Variants in PPP2R2A observed in about 807,000 individuals in gnomAD.
PPP2R2A encodes the protein protein phosphatase 2 regulatory subunit Balpha.
A neutral mutation model predicts 53.2 loss-of-function variants in PPP2R2A; 9 were observed. The observed-to-expected ratio is 0.17, with a 90% CI of 0.10 to 0.30. PPP2R2A has a LOEUF of 0.30. Among genes scored for constraint, PPP2R2A ranks in the 10% least tolerant of loss-of-function variants. The pLI, the probability that PPP2R2A is intolerant of heterozygous loss-of-function variation, is 1.00. For synonymous variants in PPP2R2A, 169 were observed against 174.2 expected (o/e 0.97, Z 0.23); for missense variants, 235 against 534.6 (o/e 0.44, Z 5.53).
intron 2 of PPP2R2A, among the ~76,000 whole-genome samples, chr8:26,334,059 C>A (rs763648057): frequency 7.2e-5 from 11 of 151,868 alleles, no homozygotes; most frequent in Non-Finnish European, 1.3e-4. Flanking sequence ...ACCTTTATAT[C>A]GCACAATTTG....
intron 9 of PPP2R2A, among the ~76,000 whole-genome samples, chr8:26,366,874 AGTT>A (rs1181483839): frequency 1.3e-5 from 2 of 152,140 alleles, no homozygotes; most frequent in Non-Finnish European, 2.9e-5. Flanking sequence ...TTTTAGTAGT[AGTT>A]ATCCTTTGCT....
Position 26,370,596 on chromosome 8 carries a change from T to G in PPP2R2A, c.*183T>G, listed in dbSNP as rs190470052. The G allele has an allele frequency of 5.0e-4, 352 of 701,112 alleles. No homozygotes were observed. The highest frequency in any genetic ancestry group is 6.8e-4 in the African/African-American group (38 of 55,696). The allele number at this position is 701,112 out of a possible 1,614,324, so 43.4% of individuals were successfully genotyped here. On this transcript the variant is annotated 3_prime_UTR_variant, in exon 10 of 10. Coordinates refer to ENST00000380737, the MANE Select transcript of PPP2R2A (RefSeq NM_002717.4). The surrounding 1 kb of genome is among the most constrained non-coding windows in gnomAD (Gnocchi z 6.1). ...GCTCTGTGGATTCATCACTGTGGTG[T>G]TCTCCATGTCTGCTAGCCATTTAGG... is the stretch of plus-strand genomic sequence containing the variant.
intron 8 of PPP2R2A, 104 bp downstream of exon 8, chr8:26,363,994 C>T: frequency 1.9e-6 from 2 of 1,055,916 alleles, no homozygotes; most frequent in East Asian, 2.5e-5. Flanking sequence ...GGTGTTTGTT[C>T]ACCATTAGGC....
At chr8:26,324,254 T>TC (rs1802979923) in intron 2 of PPP2R2A, among the ~76,000 whole-genome samples, 1 of 152,188 alleles carries the variant, frequency 6.6e-6, no homozygotes, top group South Asian at 2.1e-4. Context: ...TATTCCCCAC[T>TC]CCATGACTTT....
At chr8:26,329,304 A>G (rs760280451) in intron 2 of PPP2R2A, among the ~76,000 whole-genome samples, 28 of 152,064 alleles carry the variant, frequency 1.8e-4, no homozygotes, top group South Asian at 1.7e-3. Context: ...TTTTCTGTGT[A>G]TTTGTCATTT....
chr8:26,298,292 C>G (rs1398409760), intron 2 of PPP2R2A, among the ~76,000 whole-genome samples: 1 of 152,198 alleles, frequency 6.6e-6, no homozygotes, highest in Non-Finnish European at 1.5e-5. Context: ...CCCTACCTCC[C>G]CACTCCTTAA....
At chr8:26,293,619 C>G (rs748698550) in intron 1 of PPP2R2A, 47 bp from the exon 2 acceptor site, 24 of 1,550,086 alleles carry the variant, frequency 1.5e-5, no homozygotes, top group Admixed American at 3.5e-5. Context: ...TTACGAGAGT[C>G]AACATAAGCA....
At chr8:26,333,629 T>A in intron 2 of PPP2R2A, 1 of 793,852 alleles carries the variant, frequency 1.3e-6, no homozygotes, top group Non-Finnish European at 1.6e-6. Flanking sequence ...AGTAATTATT[T>A]GTTACACCCA....
chr8:26,357,092 G>A (rs992588604), intron 4 of PPP2R2A, among the ~76,000 whole-genome samples: 1 of 152,168 alleles, frequency 6.6e-6, no homozygotes, highest in African/African-American at 2.4e-5. Flanking sequence ...CAGATTATGA[G>A]AATCATATGA....
At chr8:26,367,267 A>G (rs1423002880) in intron 9 of PPP2R2A, among the ~76,000 whole-genome samples, 4 of 152,146 alleles carry the variant, frequency 2.6e-5, no homozygotes, top group Admixed American at 2.6e-4. Context: ...TTTGAGTGCT[A>G]CTACTAAACC....
intron 3 of PPP2R2A, among the ~76,000 whole-genome samples, chr8:26,343,572 A>G (rs1804060510): frequency 1.3e-5 from 2 of 152,060 alleles, no homozygotes; most frequent in African/African-American, 4.8e-5. Context: ...GGTTTTCACC[A>G]TATTGGCCAG....
At chr8:26,316,118 C>G (rs912911719) in intron 2 of PPP2R2A, among the ~76,000 whole-genome samples, 5 of 152,130 alleles carry the variant, frequency 3.3e-5, no homozygotes, top group Admixed American at 6.5e-5. Context: ...AGTTCTCCTG[C>G]CTCAGCCTCC....
At chr8:26,292,485 A>G (rs1801345024) in intron 1 of PPP2R2A, 2 of 968,588 alleles carry the variant, frequency 2.1e-6, no homozygotes, top group South Asian at 4.8e-5. Flanking sequence ...TGCGTTTAGC[A>G]TGTTAGCTTT....
intron 3 of PPP2R2A, among the ~76,000 whole-genome samples, chr8:26,342,164 C>T (rs558477560): frequency 1.3e-5 from 2 of 152,092 alleles, no homozygotes; most frequent in South Asian, 2.1e-4. Context: ...AATCAGGGCA[C>T]CTAAAGAAAT....
Position 26,347,409 on chromosome 8 carries a change from C to T in PPP2R2A, c.181-7059C>T, listed in dbSNP as rs149631993. On this transcript the variant is annotated intron_variant, in intron 3 of 9. Transcript: ENST00000380737. ...GTTTGTGTGTGTCCACGCGCATGTGCATGGAGGGTTTTTTTTTTTTTTCCA... is the reference window on the plus strand; with the variant it reads ...GTTTGTGTGTGTCCACGCGCATGTGTATGGAGGGTTTTTTTTTTTTTTCCA... Among the ~76,000 whole-genome samples, 1,066 of 140,198 alleles carry T rather than the reference C, an allele frequency of 7.6e-3. 7 individuals carry two copies. The highest frequency in any genetic ancestry group is 0.013 in the Admixed American group (179 of 14,270). 92.0% of individuals were successfully genotyped at this position (140,198 alleles called of 152,430 possible).
chr8:26,355,762 G>A (rs949450866), intron 4 of PPP2R2A, among the ~76,000 whole-genome samples: 1 of 151,870 alleles, frequency 6.6e-6, no homozygotes, highest in Non-Finnish European at 1.5e-5. Context: ...CTACTGGGGC[G>A]GGGGTGCTGA....
chr8:26,291,898 G>T, intron 1 of PPP2R2A, 72 bp downstream of exon 1: 1 of 1,465,920 alleles, frequency 6.8e-7, no homozygotes, highest in Non-Finnish European at 9.2e-7. Flanking sequence ...ACCCCCTAGC[G>T]ACCGCCCGCG....
At position 26,370,361 on chromosome 8, in the gene PPP2R2A, T is replaced by C. The variant is rs1382079605; in HGVS notation, c.1292T>C (p.Ile431Thr). 4 of 1,614,196 alleles carry C rather than the reference T, an allele frequency of 2.5e-6. No individual in the cohort carries two copies. The highest frequency in any genetic ancestry group is 3.4e-6 in the Non-Finnish European group (4 of 1,180,030). Residue 431 changes from isoleucine to threonine, a missense_variant, in exon 10 of 10, where the codon ATT becomes ACT. Ile to Thr is a moderately conservative substitution (Grantham distance 89, BLOSUM62 -1). Transcript: ENST00000380737. The surrounding 1 kb of genome is among the most constrained non-coding windows in gnomAD (Gnocchi z 6.1). ...HTAWHPKENIIAVATTNNLYI... is the reference protein window; with the variant it reads ...HTAWHPKENITAVATTNNLYI... ...GCCTGGCACCCCAAGGAAAATATCA[T>C]TGCCGTAGCTACTACAAACAATCTG...
intron 3 of PPP2R2A, among the ~76,000 whole-genome samples, chr8:26,346,229 C>T (rs1330554613): frequency 2.0e-5 from 3 of 151,968 alleles, no homozygotes; most frequent in Admixed American, 6.6e-5. Flanking sequence ...CAACTTCCAC[C>T]ACCCAGGTTC....
Sources: gnomAD v4.1 joint callset for allele counts (sites outside exome capture counted in the v4.1 genomes callset) on GRCh38, gnomAD v4.1.1 for gene constraint, Gnocchi (gnomAD v3.1) non-coding constraint, MANE v1.5 for transcripts, NCBI Gene and HGNC (gene_info 2026-07-23, HGNC 2026-07-21) for gene names.